SDK1: variants seen among roughly 807,000 people sequenced by gnomAD.
The protein encoded by SDK1 is protein sidekick-1.
Under a neutral mutation model 245.5 loss-of-function variants are expected in SDK1, and 157 were observed. The ratio of observed to expected loss-of-function variants is 0.64; its 90% CI spans 0.56 to 0.73. The LOEUF is 0.73. Ranked by LOEUF, SDK1 falls within the 30% of genes least tolerant of loss-of-function variation. The pLI, the probability that SDK1 is intolerant of heterozygous loss-of-function variation, is 0.00. For synonymous variants in SDK1, 1,647 were observed against 1,278.5 expected, an observed-to-expected ratio of 1.29 and a Z score of -6.15; for missense variants, 3,583 against 3,002.3, an observed-to-expected ratio of 1.19 and a Z score of -4.52.
intron 4 of SDK1, among the ~76,000 whole-genome samples, chr7:3,800,662 G>A (rs895301983): frequency 6.6e-5 from 10 of 152,164 alleles, no homozygotes; most frequent in South Asian, 6.2e-4. Context: ...GAGCTGCCTC[G>A]CTCGGCTGCC....
intron 2 of SDK1, 36 bp downstream of exon 2, chr7:3,619,275 A>C: frequency 1.9e-6 from 3 of 1,580,018 alleles, no homozygotes; most frequent in Non-Finnish European, 2.6e-6. Context: ...ATCCCATTTC[A>C]GTTGATGTGT....
intron 4 of SDK1, among the ~76,000 whole-genome samples, chr7:3,743,384 C>T (rs1779530461): frequency 6.6e-6 from 1 of 152,154 alleles, no homozygotes; most frequent in Admixed American, 6.5e-5. Flanking sequence ...AGCCCATTCT[C>T]CTTGTCACAA....
At chr7:3,915,778 A>G (rs1016527291) in intron 5 of SDK1, among the ~76,000 whole-genome samples, 3 of 152,164 alleles carry the variant, frequency 2.0e-5, no homozygotes, top group African/African-American at 7.2e-5. Context: ...TCACGTGCTG[A>G]CTGACTGGGT....
In SDK1 at chr7:3,621,815, A is replaced by G. The variant is rs113782496; in HGVS notation, c.458+2576A>G. On this transcript the variant is annotated intron_variant, in intron 2 of 44. Coordinates refer to ENST00000404826, the MANE Select transcript of SDK1 (RefSeq NM_152744.4). ...AAGAATTCTTTTGATTTTTAAATGG[A>G]TAATATGGGTCTCAAACTATTATTT... Among the ~76,000 whole-genome samples the G allele has an allele frequency of 5.9e-5, 9 of 152,316 alleles. 2 individuals are homozygous for G. Among genetic ancestry groups the G allele is most frequent in the African/African-American group, 2.2e-4 (9 of 41,572 alleles).
intron 1 of SDK1, among the ~76,000 whole-genome samples, chr7:3,427,594 C>T (rs984800052): frequency 2.0e-5 from 3 of 150,986 alleles, no homozygotes; most frequent in African/African-American, 7.3e-5. Flanking sequence ...CAGTGCTTGT[C>T]TTCTTCATCT....
At chr7:3,473,074 A>G (rs1256875287) in intron 1 of SDK1, among the ~76,000 whole-genome samples, 3 of 151,996 alleles carry the variant, frequency 2.0e-5, no homozygotes, top group African/African-American at 7.3e-5. Flanking sequence ...GCTTCTTACG[A>G]TTTTGAAATT....
Position 3,301,987 on chromosome 7 carries a change from G to T in SDK1, c.298+103G>T, listed in dbSNP as rs1303864041. ...CCGGGGTCCCCCCGCTTCCCGGCCCGGGTCGGGATGCGCCTTGCTGGGGGC... is the reference window on the plus strand; with the variant it reads ...CCGGGGTCCCCCCGCTTCCCGGCCCTGGTCGGGATGCGCCTTGCTGGGGGC... On this transcript the variant is annotated intron_variant, in intron 1 of 44. Coordinates refer to ENST00000404826, the MANE Select transcript of SDK1 (RefSeq NM_152744.4). 4.6e-6 allele frequency: 4 copies of T among 869,614 alleles called. No individual in the cohort carries two copies. In the African/African-American group the frequency reaches 7.2e-5, roughly 16 times the overall value. 53.9% of individuals were successfully genotyped at this position (869,614 alleles called of 1,614,324 possible). A position where few individuals can be genotyped will look rare whatever the true frequency, so the allele number is the denominator to read the frequency against.
At chr7:4,123,766 G>A (rs1011369229) in intron 25 of SDK1, among the ~76,000 whole-genome samples, 33 of 152,126 alleles carry the variant, frequency 2.2e-4, no homozygotes, top group African/African-American at 7.7e-4. Flanking sequence ...ATAGTGACAG[G>A]CATCACTGGG....
rs1048470744 is a variant in SDK1 at position 4,026,923 on chromosome 7, T to G, written c.2602+9571T>G. Among the ~76,000 whole-genome samples the G allele has an allele frequency of 6.6e-6, 1 of 152,220 alleles. No individual in the cohort carries two copies. The highest frequency in any genetic ancestry group is 6.5e-5 in the Admixed American group (1 of 15,278). On this transcript the variant is annotated intron_variant, in intron 17 of 44. Coordinates refer to ENST00000404826, the MANE Select transcript of SDK1 (RefSeq NM_152744.4). This position sits in a 1 kb window ranked among gnomAD's most constrained non-coding sequence, Gnocchi z 4.1. Reference sequence around the variant, plus strand: ...GGTTTCAAAGGCGTATACATTTAATTCTATGTGGTAACCTGGAGAAATGGA... The same window carrying G: ...GGTTTCAAAGGCGTATACATTTAATGCTATGTGGTAACCTGGAGAAATGGA...
At chr7:3,526,162 G>C (rs987402547) in intron 1 of SDK1, among the ~76,000 whole-genome samples, 9 of 152,144 alleles carry the variant, frequency 5.9e-5, no homozygotes, top group Admixed American at 5.9e-4. Context: ...GAACCCAGGA[G>C]GTGGAGGTTG....
chr7:3,928,048 C>G (rs1779838198), intron 5 of SDK1, among the ~76,000 whole-genome samples: 1 of 152,192 alleles, frequency 6.6e-6, no homozygotes, highest in Non-Finnish European at 1.5e-5. Context: ...CTTATCTTTC[C>G]ATTTGCACCT....
chr7:3,580,048 A>G (rs917641994), intron 1 of SDK1, among the ~76,000 whole-genome samples: 6 of 152,336 alleles, frequency 3.9e-5, no homozygotes, highest in Admixed American at 2.6e-4. Flanking sequence ...CTCAATAGCC[A>G]CAAACATAAT....
intron 4 of SDK1, among the ~76,000 whole-genome samples, chr7:3,787,185 C>CACACAT (rs1162762270): frequency 6.6e-6 from 1 of 151,046 alleles, no homozygotes; most frequent in African/African-American, 2.5e-5. Context: ...CACACACACA[C>CACACAT]ACTCCCATAC....
chr7:4,206,061 C>G, intron 36 of SDK1, 67 bp downstream of exon 36: 2 of 1,051,706 alleles, frequency 1.9e-6, no homozygotes, highest in Admixed American at 5.4e-5. Context: ...GTGGTCCTGC[C>G]TACTGCATTG....
At chr7:3,655,501 A>ATATGTATGTATGTATG (rs1283673481) in intron 4 of SDK1, among the ~76,000 whole-genome samples, 6 of 52,808 alleles carry the variant, frequency 1.1e-4, no homozygotes, top group African/African-American at 2.9e-4. Context: ...ATATATATAT[A>ATATGTATGTATGTATG]TATGTATGTA....
intron 4 of SDK1, among the ~76,000 whole-genome samples, chr7:3,776,812 C>G (rs945667350): frequency 4.0e-5 from 6 of 151,782 alleles, no homozygotes; most frequent in African/African-American, 1.5e-4. Flanking sequence ...CAGAGATTGA[C>G]CTTGGTTTTG....
intron 5 of SDK1, among the ~76,000 whole-genome samples, chr7:3,858,548 G>A (rs1333578796): frequency 6.6e-6 from 1 of 152,008 alleles, no homozygotes; most frequent in Non-Finnish European, 1.5e-5. Context: ...TTTCAAAAGG[G>A]TATTTGACCC....
In SDK1 at chr7:4,244,028, CT is replaced by C. The variant is rs375439352; in HGVS notation, c.6252-1645del. The stretch of plus-strand genomic sequence containing the variant: ...TGGCATCTTTCCCAAAGTAAATTAC[CT>C]TTGAGATAGAGAAAGAAAGGCCCTT... On this transcript the variant is annotated intron_variant, in intron 43 of 44. Transcript: ENST00000404826. 2.3e-3 allele frequency among the ~76,000 whole-genome samples: 355 copies of C among 152,224 alleles called. 3 individuals carry two copies. Among genetic ancestry groups the C allele is most frequent in the Non-Finnish European group, 3.8e-3 (257 of 68,022 alleles).
chr7:3,357,326 G>GTTTTTTT (rs1780826215), intron 1 of SDK1, among the ~76,000 whole-genome samples: 1 of 50,102 alleles, frequency 2.0e-5, no homozygotes, highest in Non-Finnish European at 4.0e-5. Flanking sequence ...CCTTCTTTTA[G>GTTTTTTT]TGTTTTTTTT....
Sources: allele counts gnomAD v4.1 joint callset (sites outside exome capture counted in the v4.1 genomes callset), GRCh38; gene constraint gnomAD v4.1.1; non-coding constraint Gnocchi (gnomAD v3.1); transcripts MANE v1.5; gene names NCBI Gene and HGNC (gene_info 2026-07-23, HGNC 2026-07-21).